Variants in FBXL13 observed in about 807,000 individuals in gnomAD.
The protein encoded by FBXL13 is F-box and leucine-rich repeat protein 13.
Under a neutral mutation model 83.6 loss-of-function variants are expected in FBXL13, and 67 were observed. The ratio of observed to expected loss-of-function variants is 0.80; its 90% CI spans 0.66 to 0.98. The LOEUF (loss-of-function observed/expected upper bound fraction) is 0.98, where lower values mean the gene tolerates loss of function less well. Ranked by LOEUF, FBXL13 falls within the 50% of genes least tolerant of loss-of-function variation. The probability of loss-of-function intolerance (pLI) is 0.00; values close to 1 mark genes in which losing one functional copy is unlikely to be tolerated. For synonymous variants in FBXL13, 272 were observed against 299.5 expected (o/e 0.91, Z 0.95); for missense variants, 822 against 866.5 (o/e 0.95, Z 0.64).
At chr7:103,061,903 A>T (rs926204303) in intron 1 of FBXL13, among the ~76,000 whole-genome samples, 1 of 145,284 alleles carries the variant, frequency 6.9e-6, no homozygotes, top group Non-Finnish European at 1.5e-5. Flanking sequence ...GCGCCACTGC[A>T]CTCCAGCCTG....
chr7:102,910,230 A>G (rs1584886507), intron 11 of FBXL13, among the ~76,000 whole-genome samples: 1 of 152,070 alleles, frequency 6.6e-6, no homozygotes, highest in East Asian at 1.9e-4. Flanking sequence ...GCACCCAGAG[A>G]GGCTCTCTGC....
intron 9 of FBXL13, among the ~76,000 whole-genome samples, chr7:102,930,090 T>C (rs971131040): frequency 5.3e-5 from 8 of 151,920 alleles, no homozygotes; most frequent in Non-Finnish European, 1.2e-4. Context: ...CACAATGAAA[T>C]AGCATGACAT....
At chr7:102,917,263 T>C (rs772831272) in intron 10 of FBXL13, among the ~76,000 whole-genome samples, 4 of 152,212 alleles carry the variant, frequency 2.6e-5, no homozygotes, top group Non-Finnish European at 5.9e-5. Context: ...CTATAGATCA[T>C]GATAGTTCCT....
intron 18 of FBXL13, among the ~76,000 whole-genome samples, chr7:102,828,109 A>T (rs1035822362): frequency 3.3e-5 from 5 of 152,196 alleles, no homozygotes; most frequent in Admixed American, 3.3e-4. Flanking sequence ...GTTATTTCCA[A>T]TTCTGTGAAG....
At chr7:102,811,576 T>C (rs1797438040), downstream of FBXL13, among the ~76,000 whole-genome samples, 1 of 152,238 alleles carries the variant, frequency 6.6e-6, no homozygotes, top group Non-Finnish European at 1.5e-5. Flanking sequence ...TAAAGCAACC[T>C]GCTAGGTTTC....
intron 6 of FBXL13, among the ~76,000 whole-genome samples, chr7:103,018,160 G>A (rs988431281): frequency 7.9e-5 from 12 of 152,082 alleles, no homozygotes; most frequent in Non-Finnish European, 1.6e-4. Flanking sequence ...AGAGAGTGGG[G>A]GCCAATATTC....
chr7:103,066,238 T>C (rs1798379247), intron 1 of FBXL13, among the ~76,000 whole-genome samples: 1 of 152,200 alleles, frequency 6.6e-6, no homozygotes, highest in African/African-American at 2.4e-5. Flanking sequence ...AGACATTACA[T>C]GTTGTTATTT....
intron 6 of FBXL13, among the ~76,000 whole-genome samples, chr7:102,969,218 T>C (rs1032693071): frequency 6.6e-6 from 1 of 152,182 alleles, no homozygotes; most frequent in African/African-American, 2.4e-5. Context: ...TTTTACCATA[T>C]TTTTACTGTA....
intron 16 of FBXL13, among the ~76,000 whole-genome samples, chr7:102,874,625 T>C (rs186856896): frequency 7.9e-5 from 12 of 152,242 alleles, no homozygotes; most frequent in Non-Finnish European, 1.3e-4. Flanking sequence ...AGTACAGTGG[T>C]ACAATCACAG....
At chr7:102,840,317 G>A (rs889056072) in intron 17 of FBXL13, among the ~76,000 whole-genome samples, 2 of 152,154 alleles carry the variant, frequency 1.3e-5, no homozygotes, top group African/African-American at 2.4e-5. Flanking sequence ...TACCCAAATG[G>A]CAATCAGATA....
chr7:102,980,036 A>C (rs776941752), intron 6 of FBXL13, among the ~76,000 whole-genome samples: 5 of 152,258 alleles, frequency 3.3e-5, no homozygotes, highest in Non-Finnish European at 5.9e-5. Context: ...TAAGATGTCA[A>C]TACTATCTAA....
intron 6 of FBXL13, among the ~76,000 whole-genome samples, chr7:103,014,921 CAAAAAAAAAA>C (rs1166056647): frequency 1.9e-4 from 4 of 20,612 alleles, no homozygotes; most frequent in African/African-American, 4.7e-4. Context: ...GACTCCGTCT[CAAAAAAAAAA>C]AAAAAAAAAA....
At chr7:103,007,008 GA>G (rs1445194920) in intron 6 of FBXL13, among the ~76,000 whole-genome samples, 2 of 151,966 alleles carry the variant, frequency 1.3e-5, no homozygotes, top group African/African-American at 2.4e-5. Context: ...TACTAAACTT[GA>G]AGAAATAGCA....
chr7:103,069,553 C>T (rs1014267514), intron 1 of FBXL13, among the ~76,000 whole-genome samples: 16 of 152,262 alleles, frequency 1.1e-4, no homozygotes, highest in Non-Finnish European at 1.0e-4. Flanking sequence ...TGGCTAGCTT[C>T]TCAATCAAAA....
chr7:102,848,677 T>C (rs561262941), intron 17 of FBXL13, among the ~76,000 whole-genome samples: 1 of 144,142 alleles, frequency 6.9e-6, no homozygotes, highest in East Asian at 2.1e-4. Context: ...GAATCAGAAA[T>C]GCAAACCAGA....
At chr7:102,853,712 AC>A (rs1452319741) in intron 17 of FBXL13, among the ~76,000 whole-genome samples, 4 of 152,232 alleles carry the variant, frequency 2.6e-5, no homozygotes, top group Admixed American at 6.5e-5. Context: ...TGGGCAAAGG[AC>A]ATGAACAGAC....
chr7:102,876,424 T>C (rs917333), intron 16 of FBXL13, among the ~76,000 whole-genome samples: 4,473 of 152,050 alleles, frequency 0.029, 203 homozygotes, highest in East Asian at 0.16. Flanking sequence ...TCATGGACGA[T>C]ATGGAAGGGA....
In FBXL13 at chr7:102,968,025, ATTCCACAG is replaced by A; in HGVS notation, c.580_587del (p.Leu194CysfsTer3). 1 of 1,610,148 alleles carries A rather than the reference ATTCCACAG, an allele frequency of 6.2e-7. No homozygotes were observed. The highest frequency in any genetic ancestry group is 1.1e-5 in the South Asian group (1 of 91,002). On this transcript the variant is annotated frameshift_variant, in exon 7 of 20. Transcript: ENST00000313221. LOFTEE classifies it high-confidence loss of function. ...AGTTCAGTTAGTATCTACTTACAGC[ATTCCACAG>A]TGAGTTTAGTTGTGTCATCAACATC...
Position 102,877,455 on chromosome 7 carries a change from G to A in FBXL13, c.1635+12C>T. ...ACAATAAAAGTCATTGTACTGTTTTGAATTTTTTTACCTCATTAGAGATGT... is the reference window on the plus strand; with the variant it reads ...ACAATAAAAGTCATTGTACTGTTTTAAATTTTTTTACCTCATTAGAGATGT... On this transcript the variant is annotated intron_variant, in intron 16 of 19. Transcript: ENST00000313221. The A allele has an allele frequency of 6.4e-7, 1 of 1,567,412 alleles. No individual in the cohort carries two copies. The highest frequency in any genetic ancestry group is 1.2e-5 in the South Asian group (1 of 82,008).
Sources: allele counts gnomAD v4.1 joint callset (sites outside exome capture counted in the v4.1 genomes callset), GRCh38; gene constraint gnomAD v4.1.1; transcripts MANE v1.5; gene names NCBI Gene and HGNC (gene_info 2026-07-23, HGNC 2026-07-21).